Variants in PIGG observed in about 807,000 individuals in gnomAD.
PIGG encodes the protein GPI ethanolamine phosphate transferase 2, catalytic subunit.
In PIGG, 70 loss-of-function variants were observed where a neutral mutation model predicts 83.2. The ratio of observed to expected loss-of-function variants is 0.84; its 90% CI spans 0.69 to 1.03. The LOEUF (loss-of-function observed/expected upper bound fraction) is 1.03, where lower values mean the gene tolerates loss of function less well. Ranked by LOEUF, PIGG falls within the 50% of genes least tolerant of loss-of-function variation. The pLI is 0.00. For synonymous variants in PIGG, 532 were observed against 519.5 expected, an observed-to-expected ratio of 1.02 and a Z score of -0.33; for missense variants, 1,257 against 1,233.6, an observed-to-expected ratio of 1.02 and a Z score of -0.28.
chr4:506,725 ACTG>A (rs1310837095), intron 3 of PIGG: 1 of 455,496 alleles, frequency 2.2e-6, no homozygotes, highest in Non-Finnish European at 4.4e-6. Flanking sequence ...GGGCTGATCA[ACTG>A]CTCATCTCTC....
At chr4:518,291 G>A (rs780238296) in intron 6 of PIGG, among the ~76,000 whole-genome samples, 1 of 152,202 alleles carries the variant, frequency 6.6e-6, no homozygotes, top group Admixed American at 6.5e-5. Flanking sequence ...CGCTAAGAGT[G>A]ATAAAAACAC....
chr4:525,103 C>A, intron 9 of PIGG: 1 of 787,756 alleles, frequency 1.3e-6, no homozygotes, highest in Non-Finnish European at 1.5e-6. Context: ...CCTCTGTGGG[C>A]CAGCTTTGCC....
At chr4:533,308 AC>A (rs1344531510) in intron 11 of PIGG, 1 of 158,282 alleles carries the variant, frequency 6.3e-6, no homozygotes, top group Non-Finnish European at 1.4e-5. Flanking sequence ...CCTGCCCTCC[AC>A]CATATAACCC....
chr4:500,707 A>G, intron 2 of PIGG, 106 bp downstream of exon 2: 1 of 729,634 alleles, frequency 1.4e-6, no homozygotes, highest in Non-Finnish European at 2.4e-6. Flanking sequence ...GAAAGTGGAA[A>G]TTTTGTGCTG....
chr4:523,770 C>G lies in PIGG; in HGVS notation c.1926C>G (p.Thr642=), dbSNP rs919506470. The change falls in exon 9 of 13, where the codon ACC becomes ACG. Residue 642 remains threonine (T), a synonymous_variant. Coordinates refer to ENST00000453061, the MANE Select transcript of PIGG (RefSeq NM_001127178.3). Reference sequence around the variant, plus strand: ...ACAAAGGCCACGGAAGCCCCTCTACCTCCGAAGTGCTCAGAGGCCGCGAGA... The same window carrying G: ...ACAAAGGCCACGGAAGCCCCTCTACGTCCGAAGTGCTCAGAGGCCGCGAGA... ...ERDKGHGSPS[T]SEVLRGREKW... is the part of the protein sequence containing the mutation. 2 of 1,613,874 alleles carry G rather than the reference C, an allele frequency of 1.2e-6. No individual in the cohort carries two copies. The highest frequency in any genetic ancestry group is 3.3e-5 in the Admixed American group (2 of 60,014).
chr4:510,472 A>G (rs1246953323), intron 5 of PIGG, among the ~76,000 whole-genome samples: 2 of 152,238 alleles, frequency 1.3e-5, no homozygotes, highest in East Asian at 1.9e-4. Context: ...CATCATGAAC[A>G]TGTCACAGTG....
At chr4:514,231 A>C (rs1723137308) in intron 5 of PIGG, among the ~76,000 whole-genome samples, 1 of 152,178 alleles carries the variant, frequency 6.6e-6, no homozygotes. Context: ...CAGACCTCTA[A>C]AAGGTACGTG....
At chr4:507,623 GATGTGGTTTC>G (rs1560285663) in intron 4 of PIGG, 30 bp downstream of exon 4, 1 of 1,577,198 alleles carries the variant, frequency 6.3e-7, no homozygotes, top group Non-Finnish European at 8.7e-7. Context: ...ACTGTCTGCT[GATGTGGTTTC>G]ACGTGGATGT....
At position 515,059 on chromosome 4, in the gene PIGG, T is replaced by C. The variant is rs1723371911; in HGVS notation, c.902-914T>C. Among the ~76,000 whole-genome samples the C allele has an allele frequency of 6.6e-6, 1 of 152,230 alleles. No individual in the cohort carries two copies. Among genetic ancestry groups the C allele is most frequent in the East Asian group, 1.9e-4 (1 of 5,204 alleles). The stretch of plus-strand genomic sequence containing the variant: ...AGTTGGCCAAGACCTGATTAATAAA[T>C]TTGACCAAATTAAAAACTCGCTACA... On this transcript the variant is annotated intron_variant, in intron 5 of 12. Coordinates refer to ENST00000453061, the MANE Select transcript of PIGG (RefSeq NM_001127178.3). The surrounding 1 kb of genome is among the most constrained non-coding windows in gnomAD (Gnocchi z 4.2).
chr4:499,810 C>T, intron 1 of PIGG: 2 of 1,071,720 alleles, frequency 1.9e-6, no homozygotes, highest in Non-Finnish European at 2.4e-6. Flanking sequence ...GCCTTTGGGT[C>T]ACTCCCCGTT....
chr4:516,235 G>A (rs747457377), intron 6 of PIGG, 50 bp downstream of exon 6: 3 of 1,287,030 alleles, frequency 2.3e-6, no homozygotes, highest in Non-Finnish European at 3.4e-6. Context: ...TGTTTCCACT[G>A]AGCTCGGGTT....
Position 515,622 on chromosome 4 carries a change from G to A in PIGG, c.902-351G>A, listed in dbSNP as rs575709389. Among the ~76,000 whole-genome samples, 28 of 152,328 alleles carry A rather than the reference G, an allele frequency of 1.8e-4. No individual in the cohort carries two copies. Among genetic ancestry groups the A allele is most frequent in the Admixed American group, 9.8e-4 (15 of 15,308 alleles). On this transcript the variant is annotated intron_variant, in intron 5 of 12. Coordinates refer to ENST00000453061, the MANE Select transcript of PIGG (RefSeq NM_001127178.3). The surrounding 1 kb of genome is among the most constrained non-coding windows in gnomAD (Gnocchi z 4.2). ...CGATCCCAGCCTCACTTCATTCTCC[G>A]GTTGGCTGTTGACCTTGCCAAAGTG... is the stretch of plus-strand genomic sequence containing the variant.
chr4:505,669 G>T, intron 2 of PIGG, 49 bp from the exon 3 acceptor site: 5 of 1,307,974 alleles, frequency 3.8e-6, no homozygotes, highest in Non-Finnish European at 4.3e-6. Flanking sequence ...CCCTTTTCAT[G>T]CTCCGGTTTT....
At chr4:500,278 G>A in intron 1 of PIGG, 118 bp from the exon 2 acceptor site, 1 of 743,938 alleles carries the variant, frequency 1.3e-6, no homozygotes, top group Non-Finnish European at 2.2e-6. Flanking sequence ...TTTGGGTTGG[G>A]TTATGTAGAT....
intron 6 of PIGG, among the ~76,000 whole-genome samples, 188 bp downstream of exon 6, chr4:516,373 A>G (rs949656330): frequency 1.3e-5 from 2 of 152,188 alleles, no homozygotes; most frequent in East Asian, 3.8e-4. Context: ...GCACCCTCAG[A>G]TGCAGTTATC....
intron 10 of PIGG, 175 bp downstream of exon 10, chr4:527,405 G>GT: frequency 7.4e-7 from 1 of 1,346,896 alleles, no homozygotes; most frequent in Non-Finnish European, 9.5e-7. Flanking sequence ...CTACTGGAGT[G>GT]TAACTAAGAA....
At chr4:509,797 G>C (rs1721262307) in intron 5 of PIGG, among the ~76,000 whole-genome samples, 1 of 152,192 alleles carries the variant, frequency 6.6e-6, no homozygotes, top group Non-Finnish European at 1.5e-5. Context: ...GGTCTCATCT[G>C]CCTCTGTGGT....
intron 3 of PIGG, chr4:506,890 T>C: frequency 2.4e-6 from 1 of 412,416 alleles, no homozygotes; most frequent in Non-Finnish European, 5.1e-6. Context: ...TTTAATTAAC[T>C]GCCCTTTGCC....
chr4:507,873 G>A (rs1195383746), intron 4 of PIGG, among the ~76,000 whole-genome samples: 2 of 152,070 alleles, frequency 1.3e-5, no homozygotes, highest in Non-Finnish European at 2.9e-5. Flanking sequence ...TCTCTGTTCT[G>A]TATCACTCTC....
Sources: allele counts gnomAD v4.1 joint callset (sites outside exome capture counted in the v4.1 genomes callset), GRCh38; gene constraint gnomAD v4.1.1; non-coding constraint Gnocchi (gnomAD v3.1); transcripts MANE v1.5; gene names NCBI Gene and HGNC (gene_info 2026-07-23, HGNC 2026-07-21).